The following GATA6 variants were observed in gnomAD, a reference collection of about 807,000 sequenced individuals.
The protein encoded by GATA6 is GATA binding protein 6, also known as transcription factor GATA-6.
Under a neutral mutation model 48.1 loss-of-function variants are expected in GATA6, and 11 were observed. The observed-to-expected ratio is 0.23, with a 90% CI of 0.14 to 0.38. The LOEUF (loss-of-function observed/expected upper bound fraction) is 0.38, where lower values mean the gene tolerates loss of function less well. GATA6 is among the 10% of genes least tolerant of loss of function. GATA6 has a pLI of 1.00. For synonymous variants in GATA6, 419 were observed against 396.1 expected, an observed-to-expected ratio of 1.06 and a Z score of -0.69; for missense variants, 795 against 850.3, an observed-to-expected ratio of 0.93 and a Z score of 0.81.
chr18:22,196,820 CGAAGAACTGTCAGTGACAGTTT>C (rs1179235746), intron 6 of GATA6, among the ~76,000 whole-genome samples: 1 of 151,978 alleles, frequency 6.6e-6, no homozygotes, highest in Non-Finnish European at 1.5e-5. Context: ...TTTATTTTTG[CGAAGAACTGTCAGTGACAGTTT>C]GAATAGGGTC....
At chr18:22,187,769 T>G (rs1486925751) in intron 6 of GATA6, among the ~76,000 whole-genome samples, 1 of 152,146 alleles carries the variant, frequency 6.6e-6, no homozygotes, top group African/African-American at 2.4e-5. Flanking sequence ...AAAAGTTTTT[T>G]TCTTAATTTC....
At position 22,172,045 on chromosome 18, in the gene GATA6, G is replaced by C; in HGVS notation, c.901G>C (p.Ala301Pro). The C allele has an allele frequency of 7.9e-7, 1 of 1,264,180 alleles. No individual in the cohort carries two copies. The highest frequency in any genetic ancestry group is 3.1e-5 in the East Asian group (1 of 31,762). 78.3% of individuals were successfully genotyped at this position (1,264,180 alleles called of 1,614,324 possible). Residue 301 changes from alanine (A) to proline (P), a missense_variant, in exon 2 of 7, where the codon GCG becomes CCG. This residue lies in a region of GATA6 where 591 missense variants were observed against 570.0 expected (regional missense o/e 1.04). Transcript: ENST00000269216. The surrounding 1 kb of genome is among the most constrained non-coding windows in gnomAD (Gnocchi z 5.2). ...CGTGAGCGGCGGCGGCAGTAGCCTG[G>C]CGGCCATGGGCGGCCGCGAGCCCCA... ...GGVSGGGSSL[A>P]AMGGREPQYS...
At chr18:22,174,618 T>G (rs1026940607) in intron 2 of GATA6, among the ~76,000 whole-genome samples, 3 of 152,150 alleles carry the variant, frequency 2.0e-5, no homozygotes, top group Non-Finnish European at 4.4e-5. Context: ...AGGAAGTGAC[T>G]GGGACCAAGC....
rs369682521 is a variant in GATA6 at position 22,174,519 on chromosome 18, ATTTTT to A, written c.1135+2243_1135+2247del. Among the ~76,000 whole-genome samples, 572 of 146,446 alleles carry A rather than the reference ATTTTT, an allele frequency of 3.9e-3. 8 individuals carry two copies. Among genetic ancestry groups the A allele is most frequent in the African/African-American group, 0.014 (502 of 36,200 alleles). ...TTTCTGTAGACCCAGAAGATTTGTT[ATTTTT>A]TTAAGTATTTTTTTAAGTATGTTTA... On this transcript the variant is annotated intron_variant, in intron 2 of 6. Transcript: ENST00000269216.
At chr18:22,188,006 G>A (rs1319819279) in intron 6 of GATA6, among the ~76,000 whole-genome samples, 4 of 152,198 alleles carry the variant, frequency 2.6e-5, no homozygotes, top group Admixed American at 2.6e-4. Context: ...GGAGACTGAG[G>A]CTGGAGGATC....
Position 22,171,117 on chromosome 18 carries a change from G to T in GATA6, c.-28G>T. 3 of 1,595,136 alleles carry T rather than the reference G, an allele frequency of 1.9e-6. No individual in the cohort carries two copies. Among genetic ancestry groups the T allele is most frequent in the South Asian group, 1.1e-5 (1 of 90,452 alleles). The stretch of plus-strand genomic sequence containing the variant: ...CCCCACCCCACCTCAGGAGCTAGAC[G>T]TCAGCTTGGAGCGGCGCCGGACCGT... On this transcript the variant is annotated 5_prime_UTR_variant, in exon 2 of 7. Coordinates refer to ENST00000269216, the MANE Select transcript of GATA6 (RefSeq NM_005257.6). The surrounding 1 kb of genome is among the most constrained non-coding windows in gnomAD (Gnocchi z 7.1).
intron 6 of GATA6, among the ~76,000 whole-genome samples, chr18:22,199,325 G>C (rs1342656151): frequency 6.6e-6 from 1 of 152,150 alleles, no homozygotes. Flanking sequence ...TCCTACCTCT[G>C]TCAAATAACA....
intron 6 of GATA6, among the ~76,000 whole-genome samples, chr18:22,186,028 T>G (rs749974609): frequency 3.3e-5 from 5 of 152,176 alleles, no homozygotes; most frequent in Non-Finnish European, 7.4e-5. Context: ...CCTGTAGGAT[T>G]TTGTGAAATG....
In GATA6 at chr18:22,171,278, C is replaced by T; in HGVS notation, c.134C>T (p.Ser45Phe). The T allele has an allele frequency of 1.3e-6, 2 of 1,595,496 alleles. No individual in the cohort carries two copies. The highest frequency in any genetic ancestry group is 1.7e-6 in the Non-Finnish European group (2 of 1,176,978). ...PPSPISSSSS[S>F]CSRGGERGPG... ...TCCCCCATCTCTTCCTCGTCCTCCT[C>T]CTGCTCCCGGGGCGGAGAGCGGGGC... The change falls in exon 2 of 7, where the codon TCC becomes TTC. Residue 45 changes from serine (S) to phenylalanine (F), a missense_variant. Physicochemically the swap from Ser to Phe is radical, Grantham distance 155. Around this residue, in one of 5 missense-constraint regions of GATA6, gnomAD observed 591 missense variants for 570.0 expected, o/e 1.04. Coordinates refer to ENST00000269216, the MANE Select transcript of GATA6 (RefSeq NM_005257.6). The surrounding 1 kb of genome is among the most constrained non-coding windows in gnomAD (Gnocchi z 7.1).
At chr18:22,178,087 G>T (rs1372654624) in intron 3 of GATA6, among the ~76,000 whole-genome samples, 1 of 146,830 alleles carries the variant, frequency 6.8e-6, no homozygotes, top group Admixed American at 7.0e-5. Flanking sequence ...TCAGCCTCCC[G>T]AGTAGCTGGG....
chr18:22,186,895 C>T (rs951745774), intron 6 of GATA6, among the ~76,000 whole-genome samples: 4 of 152,180 alleles, frequency 2.6e-5, no homozygotes, highest in African/African-American at 9.7e-5. Context: ...GACCTTGCCA[C>T]CTTATGACTC....
intron 6 of GATA6, among the ~76,000 whole-genome samples, chr18:22,198,786 C>T (rs2033421501): frequency 6.6e-6 from 1 of 152,160 alleles, no homozygotes; most frequent in African/African-American, 2.4e-5. Flanking sequence ...TTATGGCATT[C>T]AGTTTGTTGG....
rs1166249324 is a variant in GATA6 at position 22,171,678 on chromosome 18, A to T, written c.534A>T (p.Ala178=). 1 of 1,498,614 alleles carries T rather than the reference A, an allele frequency of 6.7e-7. No homozygotes were observed. The highest frequency in any genetic ancestry group is 8.8e-7 in the Non-Finnish European group (1 of 1,133,128). 92.8% of individuals were successfully genotyped at this position (1,498,614 alleles called of 1,614,324 possible). ...GFVHSAAAAA[A]AAAAASSPVY... ...TGCACTCTGCGGCCGCGGCGGCAGC[A>T]GCCGCGGCGGCGGCCAGCTCCCCGG... Residue 178 remains alanine, a synonymous_variant, in exon 2 of 7, where the codon GCA becomes GCT. Coordinates refer to ENST00000269216, the MANE Select transcript of GATA6 (RefSeq NM_005257.6). This position sits in a 1 kb window ranked among gnomAD's most constrained non-coding sequence, Gnocchi z 7.1.
At chr18:22,197,224 TTG>T (rs2033401763) in intron 6 of GATA6, among the ~76,000 whole-genome samples, 1 of 152,000 alleles carries the variant, frequency 6.6e-6, no homozygotes, top group African/African-American at 2.4e-5. Context: ...GCTAATTTTT[TTG>T]TGTCAGTAGA....
Position 22,177,015 on chromosome 18 carries a change from C to G in GATA6, c.1196C>G (p.Pro399Arg). The change falls in exon 3 of 7, where the codon CCG (proline) becomes CGG (arginine). Residue 399 changes from proline (P) to arginine (R), a missense_variant. Pro to Arg is a moderately radical substitution (Grantham distance 103, BLOSUM62 -2). Around this residue, in one of 5 missense-constraint regions of GATA6, gnomAD observed 76 missense variants for 113.1 expected, o/e 0.67. Transcript: ENST00000269216. ...ECVNCGSIQTPLWRRDGTGHY... is the reference protein window; with the variant it reads ...ECVNCGSIQTRLWRRDGTGHY... ...GTGAACTGCGGCTCCATCCAGACGCCGCTGTGGCGGCGGGACGGCACCGGC... is the reference window on the plus strand; with the variant it reads ...GTGAACTGCGGCTCCATCCAGACGCGGCTGTGGCGGCGGGACGGCACCGGC... 6.3e-7 allele frequency: 1 copy of G among 1,578,138 alleles called. No homozygotes were observed. The highest frequency in any genetic ancestry group is 8.6e-7 in the Non-Finnish European group (1 of 1,164,102).
In GATA6 at chr18:22,198,398, G is replaced by T. The variant is rs371414641; in HGVS notation, c.1621-2258G>T. 1.5e-4 allele frequency among the ~76,000 whole-genome samples: 23 copies of T among 152,296 alleles called. No individual in the cohort carries two copies. The East Asian group carries it at 2.5e-3, about 17-fold the overall frequency. On this transcript the variant is annotated intron_variant, in intron 6 of 6. Coordinates refer to ENST00000269216, the MANE Select transcript of GATA6 (RefSeq NM_005257.6). ...CTTATGCTTCTTGTTGCTGGCTGTG[G>T]TGGTGGTGACAGATCCCTCTGCTGT...
In GATA6 at chr18:22,170,803, G is replaced by A. The variant is rs1314713379; in HGVS notation, c.-37-305G>A. ...CACCCCTGGGATCTGGCGCGCGCAC[G>A]GAGAAAGGATGCGGCCGAGGGGGTG... is the stretch of plus-strand genomic sequence containing the variant. On this transcript the variant is annotated intron_variant, in intron 1 of 6. Transcript: ENST00000269216. This position sits in a 1 kb window ranked among gnomAD's most constrained non-coding sequence, Gnocchi z 6.7. 4.9e-6 allele frequency: 2 copies of A among 408,960 alleles called. No individual in the cohort carries two copies. Among genetic ancestry groups the A allele is most frequent in the East Asian group, 4.8e-5 (1 of 20,928 alleles). 25.3% of individuals were successfully genotyped at this position (408,960 alleles called of 1,614,324 possible). A position where few individuals can be genotyped will look rare whatever the true frequency, so the allele number is the denominator to read the frequency against.
rs138641332 is a variant in GATA6, at chr18:22,200,707, A to G, written c.1672A>G (p.Ser558Gly). 25 of 1,614,218 alleles carry G rather than the reference A, an allele frequency of 1.5e-5. No homozygotes were observed. Among genetic ancestry groups the G allele is most frequent in the African/African-American group, 1.1e-4 (8 of 75,062 alleles). ...GGGAGAGAGCACCAATCCCGAGAAC[A>G]GCGAGCTCAAGTATTCGGGTCAAGA... ...GAGESTNPEN[S>G]ELKYSGQDGL... The change falls in exon 7 of 7, where the codon AGC becomes GGC. Residue 558 changes from serine to glycine, a missense_variant. By Grantham distance (56) the Ser-to-Gly change is moderately conservative. Coordinates refer to ENST00000269216, the MANE Select transcript of GATA6 (RefSeq NM_005257.6).
intron 6 of GATA6, 129 bp from the exon 7 acceptor site, chr18:22,200,526 TG>T: frequency 8.7e-7 from 1 of 1,153,810 alleles, no homozygotes; most frequent in Non-Finnish European, 1.3e-6. Context: ...TCTCCTGCCC[TG>T]GGTCTGCCCA....
Sources: gnomAD v4.1 joint callset for allele counts (sites outside exome capture counted in the v4.1 genomes callset) on GRCh38, gnomAD v4.1.1 for gene constraint, gnomAD v4.1.1 regional missense constraint, Gnocchi (gnomAD v3.1) non-coding constraint, MANE v1.5 for transcripts, NCBI Gene and HGNC (gene_info 2026-07-23, HGNC 2026-07-21) for gene names.